The following RBFOX1 variants were observed in gnomAD, a reference collection of about 807,000 sequenced individuals.
The protein encoded by RBFOX1 is RNA binding protein fox-1 homolog 1.
RBFOX1 carries 8 observed loss-of-function variants against 57.7 expected under a neutral mutation model. That is an observed-to-expected ratio of 0.14 (90% CI 0.08 to 0.25). The LOEUF is 0.25. Among genes scored for constraint, RBFOX1 ranks in the 10% least tolerant of loss-of-function variants. The pLI, the probability that RBFOX1 is intolerant of heterozygous loss-of-function variation, is 1.00. For missense variants in RBFOX1, 611 were observed against 548.5 expected (o/e 1.11, Z -1.14); for synonymous variants, 326 against 222.4 (o/e 1.47, Z -4.15).
At chr16:6,446,212 C>G (rs1334497590) in intron 2 of RBFOX1, among the ~76,000 whole-genome samples, 3 of 152,100 alleles carry the variant, frequency 2.0e-5, no homozygotes, top group Non-Finnish European at 4.4e-5. Flanking sequence ...TCATGTTGCC[C>G]AGGCTGGTCT....
At chr16:7,125,226 C>T (rs1173887857) in intron 4 of RBFOX1, among the ~76,000 whole-genome samples, 10 of 152,188 alleles carry the variant, frequency 6.6e-5, no homozygotes, top group Non-Finnish European at 1.5e-4. Flanking sequence ...CCAGATCTGC[C>T]ATTTAGCAGA....
At chr16:6,334,602 A>T (rs1020314620) in intron 2 of RBFOX1, among the ~76,000 whole-genome samples, 1 of 152,092 alleles carries the variant, frequency 6.6e-6, no homozygotes, top group Middle Eastern at 3.2e-3. Context: ...CACTCTTCAC[A>T]TCTGTGTATC....
chr16:6,174,250 C>G (rs2096985767), intron 1 of RBFOX1, among the ~76,000 whole-genome samples: 1 of 152,092 alleles, frequency 6.6e-6, no homozygotes, highest in South Asian at 2.1e-4. Context: ...CCTCATTGTC[C>G]TCACTGTTGC....
At chr16:6,321,124 A>T (rs2081736634) in intron 2 of RBFOX1, among the ~76,000 whole-genome samples, 1 of 152,194 alleles carries the variant, frequency 6.6e-6, no homozygotes, top group African/African-American at 2.4e-5. Context: ...GTTTTAATTG[A>T]CAAACAATAA....
At chr16:7,596,148 C>T (rs1193377327) in intron 8 of RBFOX1, among the ~76,000 whole-genome samples, 1 of 56,198 alleles carries the variant, frequency 1.8e-5, no homozygotes, top group Non-Finnish European at 4.9e-5. Context: ...AAAAAAAAAA[C>T]GAGAGGTTTT....
At chr16:6,208,614 G>A (rs1478126346) in intron 1 of RBFOX1, among the ~76,000 whole-genome samples, 4 of 152,196 alleles carry the variant, frequency 2.6e-5, no homozygotes, top group Non-Finnish European at 2.9e-5. Context: ...TGACGGTGTT[G>A]TGAAGAAATA....
chr16:5,986,197 G>T (rs1449080758), intron 4 of RBFOX1, among the ~76,000 whole-genome samples: 1 of 151,912 alleles, frequency 6.6e-6, no homozygotes, highest in African/African-American at 2.4e-5. Context: ...CCAGGTAGCT[G>T]GGTTTACAGG....
intron 2 of RBFOX1, among the ~76,000 whole-genome samples, chr16:6,357,149 TG>T (rs2087486558): frequency 6.6e-6 from 1 of 152,064 alleles, no homozygotes; most frequent in Non-Finnish European, 1.5e-5. Context: ...TTGCTTCCAA[TG>T]GCACTCAGCT....
At chr16:6,937,456 A>G (rs1485012050) in intron 3 of RBFOX1, among the ~76,000 whole-genome samples, 1 of 152,134 alleles carries the variant, frequency 6.6e-6, no homozygotes, top group Non-Finnish European at 1.5e-5. Flanking sequence ...GAAAAGAGTC[A>G]AACTCTGTAA....
chr16:7,417,260 C>T (rs1015981763), intron 4 of RBFOX1, among the ~76,000 whole-genome samples: 2 of 150,732 alleles, frequency 1.3e-5, no homozygotes, highest in African/African-American at 4.9e-5. Flanking sequence ...GTAACCACAG[C>T]TACTTAGGAA....
chr16:6,607,504 C>T (rs116678436), intron 2 of RBFOX1, among the ~76,000 whole-genome samples: 1,826 of 147,602 alleles, frequency 0.012, 52 homozygotes, highest in African/African-American at 0.043. Context: ...CTCTCTCTCC[C>T]CTCTCTTCTC....
chr16:6,186,271 C>T (rs2097104618), intron 1 of RBFOX1, among the ~76,000 whole-genome samples: 1 of 152,102 alleles, frequency 6.6e-6, no homozygotes. Context: ...CAACTGATGA[C>T]TCTGGGTTAG....
chr16:6,511,901 T>C (rs2096262598), intron 2 of RBFOX1, among the ~76,000 whole-genome samples: 1 of 151,994 alleles, frequency 6.6e-6, no homozygotes, highest in Non-Finnish European at 1.5e-5. Context: ...TTTGTAGGAG[T>C]GTCTATTTCA....
chr16:5,806,909 C>G (rs1188445036), intron 3 of RBFOX1, among the ~76,000 whole-genome samples: 1 of 152,130 alleles, frequency 6.6e-6, no homozygotes, highest in Non-Finnish European at 1.5e-5. Context: ...GAGCCACTTA[C>G]CGAAGCAGCC....
intron 2 of RBFOX1, among the ~76,000 whole-genome samples, chr16:6,385,976 C>G (rs1596427807): frequency 6.6e-6 from 1 of 150,428 alleles, no homozygotes; most frequent in South Asian, 2.1e-4. Context: ...TGCTCTGTCG[C>G]CCAGGCTGGA....
chr16:7,180,147 C>T (rs1278330639), intron 4 of RBFOX1, among the ~76,000 whole-genome samples: 2 of 152,088 alleles, frequency 1.3e-5, no homozygotes, highest in East Asian at 3.8e-4. Context: ...TAGCCATTTT[C>T]TGCCTTGCAG....
chr16:5,525,266 A>C (rs2044194901), intron 2 of RBFOX1, among the ~76,000 whole-genome samples: 1 of 152,106 alleles, frequency 6.6e-6, no homozygotes, highest in Non-Finnish European at 1.5e-5. Flanking sequence ...CTGAGAAGAC[A>C]TGGGGAGTAA....
At chr16:6,034,124 C>G (rs988387585) in intron 1 of RBFOX1, among the ~76,000 whole-genome samples, 1 of 151,672 alleles carries the variant, frequency 6.6e-6, no homozygotes, top group African/African-American at 2.4e-5. Context: ...CACCTGAGGT[C>G]GGGAGTTCAA....
chr16:7,168,628 T>A (rs2080057008), intron 4 of RBFOX1, among the ~76,000 whole-genome samples: 1 of 152,236 alleles, frequency 6.6e-6, no homozygotes, highest in African/African-American at 2.4e-5. Flanking sequence ...GCAATTTTTA[T>A]GTCTTCTGCA....
Sources: allele counts gnomAD v4.1 joint callset (sites outside exome capture counted in the v4.1 genomes callset), GRCh38; gene constraint gnomAD v4.1.1; transcripts MANE v1.5; gene names NCBI Gene and HGNC (gene_info 2026-07-23, HGNC 2026-07-21).